The following SLC2A5 variants were observed in gnomAD, a reference collection of about 807,000 sequenced individuals.
SLC2A5 encodes solute carrier family 2 member 5.
In SLC2A5, 56 loss-of-function variants were observed where a neutral mutation model predicts 50.3. The observed-to-expected ratio is 1.11, with a 90% CI of 0.90 to 1.39. The LOEUF (loss-of-function observed/expected upper bound fraction) is 1.39. Ranked by LOEUF, SLC2A5 falls within the 40% of genes most tolerant of loss-of-function variation. SLC2A5 has a pLI of 0.00. For synonymous variants in SLC2A5, 269 were observed against 281.9 expected (o/e 0.95, Z 0.46); for missense variants, 566 against 650.1 (o/e 0.87, Z 1.41).
chr1:9,057,332 A>T, intron 3 of SLC2A5, 116 bp downstream of exon 3: 1 of 522,388 alleles, frequency 1.9e-6, no homozygotes, highest in Non-Finnish European at 3.1e-6. Flanking sequence ...AAAAAGAAAA[A>T]TGACCACAGT....
At chr1:9,086,465 T>A (rs1379922172) in intron 1 of SLC2A5, among the ~76,000 whole-genome samples, 1 of 151,182 alleles carries the variant, frequency 6.6e-6, no homozygotes, top group African/African-American at 2.4e-5. Context: ...CTCAGCTCAC[T>A]ACAACCTCTG....
Position 9,040,171 on chromosome 1 carries a change from C to A in SLC2A5, c.590G>T (p.Gly197Val). ...ANVDGWPILL[G>V]LTGVPAALQL... ...CAGCGCCGCGGGGACCCCGGTCAGC[C>A]CCAGCAGGATCGGCCAGCCTGGGAG... The change falls in exon 6 of 12, where the codon GGG (glycine) becomes GTG (valine). Residue 197 changes from glycine (G) to valine (V), a missense_variant. Physicochemically the swap from Gly to Val is moderately radical, Grantham distance 109. Coordinates refer to ENST00000377424, the MANE Select transcript of SLC2A5 (RefSeq NM_003039.3). This position sits in a 1 kb window ranked among gnomAD's most constrained non-coding sequence, Gnocchi z 4.3. The A allele has an allele frequency of 6.4e-7, 1 of 1,553,664 alleles. No homozygotes were observed. Among genetic ancestry groups the A allele is most frequent in the Non-Finnish European group, 8.7e-7 (1 of 1,149,776 alleles).
chr1:9,050,042 CG>C (rs1641531053), intron 3 of SLC2A5, among the ~76,000 whole-genome samples: 1 of 151,914 alleles, frequency 6.6e-6, no homozygotes, highest in African/African-American at 2.4e-5. Context: ...GAGGCCAAGG[CG>C]GGTGGATCAC....
At chr1:9,053,563 T>C (rs1185569514) in intron 3 of SLC2A5, among the ~76,000 whole-genome samples, 4 of 114,868 alleles carry the variant, frequency 3.5e-5, no homozygotes, top group African/African-American at 1.3e-4. Context: ...ATATATATTA[T>C]ATATATTTAT....
intron 2 of SLC2A5, among the ~76,000 whole-genome samples, chr1:9,075,295 T>C (rs1354074268): frequency 6.6e-6 from 1 of 152,114 alleles, no homozygotes; most frequent in Non-Finnish European, 1.5e-5. Context: ...CACCTCAATT[T>C]ATCAAACATC....
chr1:9,058,563 A>G (rs1641823522), intron 1 of SLC2A5, among the ~76,000 whole-genome samples: 1 of 152,138 alleles, frequency 6.6e-6, no homozygotes, highest in Non-Finnish European at 1.5e-5. Context: ...GTCTTCCAAC[A>G]TTGTTAAGTG....
chr1:9,050,722 A>G (rs1262830849), intron 3 of SLC2A5, among the ~76,000 whole-genome samples: 1 of 152,196 alleles, frequency 6.6e-6, no homozygotes, highest in Non-Finnish European at 1.5e-5. Context: ...GATCCTTAAA[A>G]TGAAAGACAG....
the SLC2A5 span, among the ~76,000 whole-genome samples, chr1:9,093,610 T>C: frequency 6.6e-6 from 1 of 152,202 alleles, no homozygotes; most frequent in African/African-American, 2.4e-5. Flanking sequence ...AGGACTTTAC[T>C]CTTACCCAAA....
At chr1:9,042,421 G>C (rs1412180180) in intron 4 of SLC2A5, among the ~76,000 whole-genome samples, 2 of 151,992 alleles carry the variant, frequency 1.3e-5, no homozygotes, top group Non-Finnish European at 2.9e-5. Context: ...GTGTGTGTGT[G>C]TGTGCGCGCG....
the SLC2A5 span, among the ~76,000 whole-genome samples, chr1:9,093,513 A>T: frequency 0.048 from 7,354 of 152,228 alleles, 418 homozygotes; most frequent in African/African-American, 0.13. Flanking sequence ...ACTACAGACC[A>T]TCAGTGGTAT....
chr1:9,071,900 CT>C, upstream of SLC2A5: 1 of 159,316 alleles, frequency 6.3e-6, no homozygotes, highest in Non-Finnish European at 1.3e-5. Flanking sequence ...CCGGATCCCC[CT>C]CGGCCTCTGC....
rs1263694086 is a variant in SLC2A5 at position 9,035,988 on chromosome 1, G to C, written c.*1598C>G. ...CCCATGATTCAATTATCTCCCACAG[G>C]GTCCCTCCCAGAACACATGGGAATT... On this transcript the variant is annotated 3_prime_UTR_variant, in exon 12 of 12. Coordinates refer to ENST00000377424, the MANE Select transcript of SLC2A5 (RefSeq NM_003039.3). The C allele has an allele frequency of 1.3e-5, 2 of 152,068 alleles. No homozygotes were observed. Among genetic ancestry groups the C allele is most frequent in the African/African-American group, 4.8e-5 (2 of 41,378 alleles). 9.4% of individuals were successfully genotyped at this position (152,068 alleles called of 1,614,324 possible). A position where few individuals can be genotyped will look rare whatever the true frequency, so the allele number is the denominator to read the frequency against.
chr1:9,060,242 C>A (rs201203497), intron 1 of SLC2A5, among the ~76,000 whole-genome samples: 3 of 119,816 alleles, frequency 2.5e-5, no homozygotes, highest in South Asian at 5.3e-4. Context: ...CACACACCCC[C>A]CATGTACACA....
chr1:9,063,670 G>C (rs917407906), intron 1 of SLC2A5, among the ~76,000 whole-genome samples: 1 of 135,398 alleles, frequency 7.4e-6, no homozygotes, highest in Non-Finnish European at 1.5e-5. Flanking sequence ...AACACATCAG[G>C]CTATTATTTA....
chr1:9,049,691 A>G (rs1372883712), intron 3 of SLC2A5, among the ~76,000 whole-genome samples: 1 of 130,582 alleles, frequency 7.7e-6, no homozygotes. Flanking sequence ...ACACAGCGAG[A>G]CTCTGTCTAA....
chr1:9,074,542 C>A (rs1236549958), upstream of SLC2A5, among the ~76,000 whole-genome samples: 1 of 152,136 alleles, frequency 6.6e-6, no homozygotes, highest in East Asian at 1.9e-4. Context: ...TGTGGGGATA[C>A]TTAACCTTTT....
At position 9,039,817 on chromosome 1, in the gene SLC2A5, G is replaced by T. The variant is rs1641249223; in HGVS notation, c.868C>A (p.Leu290Met). The change falls in exon 7 of 12, where the codon CTG (leucine) becomes ATG (methionine). Residue 290 changes from leucine to methionine, a missense_variant. Transcript: ENST00000377424. Reference protein sequence around the residue: ...SIIVLMGGQQLSGVNAIYYYA... With the variant: ...SIIVLMGGQQMSGVNAIYYYA... ...GCCCATACAGCGTTGACGCCCGACA[G>T]CTGCTGGCCGCCCATGAGGACGATG... 6.3e-7 allele frequency: 1 copy of T among 1,597,694 alleles called. No individual in the cohort carries two copies. Among genetic ancestry groups the T allele is most frequent in the African/African-American group, 1.3e-5 (1 of 74,564 alleles).
chr1:9,041,601 G>C (rs779511563), intron 5 of SLC2A5, 184 bp downstream of exon 5: 2 of 1,445,882 alleles, frequency 1.4e-6, no homozygotes, highest in Non-Finnish European at 1.8e-6. Context: ...GTCCCTTATC[G>C]CGCCTTTGTC....
At chr1:9,093,240 C>G (rs1485869360), upstream of SLC2A5, among the ~76,000 whole-genome samples, 1 of 152,140 alleles carries the variant, frequency 6.6e-6, no homozygotes, top group Non-Finnish European at 1.5e-5. Flanking sequence ...AGGGACCTTA[C>G]CAGATCATCG....
Sources: gnomAD v4.1 joint callset for allele counts (sites outside exome capture counted in the v4.1 genomes callset) on GRCh38, gnomAD v4.1.1 for gene constraint, Gnocchi (gnomAD v3.1) non-coding constraint, MANE v1.5 for transcripts, NCBI Gene and HGNC (gene_info 2026-07-23, HGNC 2026-07-21) for gene names.